Variants in GRIP1 observed in about 807,000 individuals in gnomAD.
GRIP1 encodes the protein glutamate receptor-interacting protein 1.
GRIP1 carries 45 observed loss-of-function variants against 129.9 expected under a neutral mutation model. That is an observed-to-expected ratio of 0.35 (90% CI 0.27 to 0.44). GRIP1 has a LOEUF of 0.44. Among genes scored for constraint, GRIP1 ranks in the 20% least tolerant of loss-of-function variants. GRIP1 has a pLI of 1.00. For missense variants in GRIP1, 1,196 were observed against 1,396.8 expected (o/e 0.86, Z 2.29); for synonymous variants, 530 against 520.8 (o/e 1.02, Z -0.24).
chr12:66,854,186 C>T (rs895785939), intron 1 of GRIP1, among the ~76,000 whole-genome samples: 3 of 151,812 alleles, frequency 2.0e-5, no homozygotes, highest in Admixed American at 6.6e-5. Flanking sequence ...AAAATGAAAA[C>T]GTGCGACAAG....
At chr12:66,910,954 C>CATT (rs1002513964) in intron 1 of GRIP1, among the ~76,000 whole-genome samples, 17 of 152,132 alleles carry the variant, frequency 1.1e-4, no homozygotes, top group Middle Eastern at 3.2e-3. Flanking sequence ...ATTTTTCAAC[C>CATT]ATTATTTCAA....
At chr12:66,750,144 C>T (rs2037079572) in intron 1 of GRIP1, among the ~76,000 whole-genome samples, 1 of 152,148 alleles carries the variant, frequency 6.6e-6, no homozygotes, top group Non-Finnish European at 1.5e-5. Flanking sequence ...AGCTTACTTT[C>T]CTTTGCCCAA....
At chr12:66,368,715 G>A (rs561836062) in intron 23 of GRIP1, among the ~76,000 whole-genome samples, 3 of 152,136 alleles carry the variant, frequency 2.0e-5, no homozygotes, top group Non-Finnish European at 4.4e-5. Context: ...AGTACCCCAG[G>A]GGAAGAGAGC....
chr12:66,937,986 C>G (rs1592367610), intron 1 of GRIP1, among the ~76,000 whole-genome samples: 2 of 152,246 alleles, frequency 1.3e-5, no homozygotes, highest in East Asian at 3.9e-4. Context: ...TGAATTGAAA[C>G]ATATTATTGA....
intron 10 of GRIP1, 86 bp from the exon 11 acceptor site, chr12:66,455,650 G>C: frequency 8.1e-7 from 1 of 1,234,102 alleles, no homozygotes; most frequent in Non-Finnish European, 1.2e-6. Context: ...AATCCAGAAA[G>C]ACACACATGA....
chr12:66,747,496 T>C (rs756350170), intron 1 of GRIP1, among the ~76,000 whole-genome samples: 4 of 152,168 alleles, frequency 2.6e-5, no homozygotes, highest in African/African-American at 7.2e-5. Context: ...TGCCTTCTGA[T>C]TGGGATGAAA....
intron 1 of GRIP1, among the ~76,000 whole-genome samples, chr12:66,674,970 G>A (rs1017230195): frequency 6.6e-6 from 1 of 152,112 alleles, no homozygotes; most frequent in Non-Finnish European, 1.5e-5. Flanking sequence ...CACCCCATTG[G>A]GATGAAGGTC....
chr12:66,850,320 T>C (rs1447812211), intron 1 of GRIP1, among the ~76,000 whole-genome samples: 1 of 152,176 alleles, frequency 6.6e-6, no homozygotes, highest in Non-Finnish European at 1.5e-5. Context: ...TGAATCCAGA[T>C]GTGGGTTCCT....
intron 11 of GRIP1, among the ~76,000 whole-genome samples, chr12:66,454,842 C>G (rs918471398): frequency 2.0e-5 from 3 of 151,980 alleles, no homozygotes; most frequent in African/African-American, 7.3e-5. Flanking sequence ...GGGTAGGCTT[C>G]TGGAAAAAGT....
At position 67,066,473 on chromosome 12, in the gene GRIP1, T is replaced by TTTA. The variant is rs368158297; in HGVS notation, c.58+2574_58+2576dup. On this transcript the variant is annotated intron_variant, in intron 1 of 1. Transcript: ENST00000643019. Reference sequence around the variant, plus strand: ...TGCTAGAGTAATCTCCATAATGGGTTTTAGAATGTTTACATGTAGATTGGG... The same window carrying TTTA: ...TGCTAGAGTAATCTCCATAATGGGTTTTATTAGAATGTTTACATGTAGATTGGG... Among the ~76,000 whole-genome samples the TTTA allele has an allele frequency of 1.2e-3, 182 of 152,268 alleles. 2 individuals carry two copies. Among genetic ancestry groups the TTTA allele is most frequent in the East Asian group, 0.011 (55 of 5,190 alleles).
intron 1 of GRIP1, among the ~76,000 whole-genome samples, chr12:66,662,048 C>T (rs1308801633): frequency 6.6e-6 from 1 of 152,074 alleles, no homozygotes; most frequent in African/African-American, 2.4e-5. Flanking sequence ...TATCCATACT[C>T]CTGCGCATGT....
intron 1 of GRIP1, among the ~76,000 whole-genome samples, chr12:66,897,766 A>AT (rs1206459379): frequency 6.6e-6 from 1 of 152,152 alleles, no homozygotes; most frequent in Non-Finnish European, 1.5e-5. Context: ...TCTAATATGT[A>AT]TTTTTTACTG....
At chr12:66,767,040 A>G (rs185697369) in intron 1 of GRIP1, among the ~76,000 whole-genome samples, 25 of 152,220 alleles carry the variant, frequency 1.6e-4, no homozygotes, top group Admixed American at 5.2e-4. Flanking sequence ...CTATACTACA[A>G]CGTTTTAATG....
At chr12:66,639,521 A>T (rs11176350) in intron 1 of GRIP1, among the ~76,000 whole-genome samples, 1 of 151,976 alleles carries the variant, frequency 6.6e-6, no homozygotes, top group Admixed American at 6.6e-5. Flanking sequence ...ATTTAAGTGG[A>T]TTCATTAAGG....
At chr12:66,748,181 T>C (rs1299263710) in intron 1 of GRIP1, among the ~76,000 whole-genome samples, 1 of 152,078 alleles carries the variant, frequency 6.6e-6, no homozygotes, top group Non-Finnish European at 1.5e-5. Flanking sequence ...TCATGTCGGC[T>C]AATTTCTGTA....
chr12:66,896,420 TCA>T (rs966996580), intron 1 of GRIP1, among the ~76,000 whole-genome samples: 1 of 146,296 alleles, frequency 6.8e-6, no homozygotes. Flanking sequence ...GATCAACACT[TCA>T]ATGGGAACTG....
chr12:66,620,153 T>C (rs1473276436), intron 1 of GRIP1, among the ~76,000 whole-genome samples: 2 of 152,164 alleles, frequency 1.3e-5, no homozygotes, highest in Non-Finnish European at 2.9e-5. Context: ...ACTTCACAAA[T>C]TGTGTGCTCC....
intron 2 of GRIP1, among the ~76,000 whole-genome samples, chr12:66,551,132 A>G (rs559766669): frequency 5.9e-5 from 9 of 152,228 alleles, no homozygotes; most frequent in Non-Finnish European, 1.2e-4. Context: ...CTACATTCTT[A>G]CAACTACTTA....
intron 1 of GRIP1, among the ~76,000 whole-genome samples, chr12:66,692,676 G>A (rs975598557): frequency 6.6e-6 from 1 of 152,132 alleles, no homozygotes; most frequent in African/African-American, 2.4e-5. Flanking sequence ...AGAGAGGAGG[G>A]GATTTGTCTA....
Sources: allele counts gnomAD v4.1 joint callset (sites outside exome capture counted in the v4.1 genomes callset), GRCh38; gene constraint gnomAD v4.1.1; transcripts MANE v1.5; gene names NCBI Gene and HGNC (gene_info 2026-07-23, HGNC 2026-07-21).